Variants in PNPLA8 observed in about 807,000 individuals in gnomAD.
The protein encoded by PNPLA8 is patatin like domain 8, phospholipase A2.
PNPLA8 carries 39 observed loss-of-function variants against 76.9 expected under a neutral mutation model. The observed-to-expected ratio is 0.51, with a 90% CI of 0.39 to 0.66. The LOEUF is 0.66. PNPLA8 is among the 30% of genes least tolerant of loss of function. The probability of loss-of-function intolerance (pLI) is 0.00; values close to 1 mark genes in which losing one functional copy is unlikely to be tolerated. For missense variants in PNPLA8, 887 were observed against 918.0 expected (o/e 0.97, Z 0.44); for synonymous variants, 301 against 307.9 (o/e 0.98, Z 0.24).
intron 10 of PNPLA8, among the ~76,000 whole-genome samples, chr7:108,475,692 T>G (rs929311634): frequency 5.9e-5 from 9 of 152,072 alleles, no homozygotes; most frequent in African/African-American, 2.2e-4. Flanking sequence ...TTTCCACAAC[T>G]CCCACTGAGA....
chr7:108,498,963 A>G (rs1266373527), intron 5 of PNPLA8, among the ~76,000 whole-genome samples: 7 of 152,240 alleles, frequency 4.6e-5, no homozygotes, highest in Admixed American at 3.9e-4. Flanking sequence ...AGAAGTAACT[A>G]GAAAATTATG....
chr7:108,477,699 A>T (rs941706176), intron 10 of PNPLA8, among the ~76,000 whole-genome samples: 2 of 152,284 alleles, frequency 1.3e-5, no homozygotes, highest in South Asian at 4.1e-4. Context: ...ATCTCTACAA[A>T]AAAAGGTCTG....
At chr7:108,493,554 G>A (rs1011867980) in intron 7 of PNPLA8, among the ~76,000 whole-genome samples, 10 of 126,572 alleles carry the variant, frequency 7.9e-5, no homozygotes, top group Non-Finnish European at 1.3e-4. Flanking sequence ...ACAGGCGCCC[G>A]CCCCCATGCC....
At chr7:108,504,029 T>C (rs1053996724) in intron 4 of PNPLA8, among the ~76,000 whole-genome samples, 3 of 152,178 alleles carry the variant, frequency 2.0e-5, no homozygotes, top group African/African-American at 7.2e-5. Context: ...CCCAATGAGA[T>C]GGTGGTTAAG....
chr7:108,514,455 A>G lies in PNPLA8; in HGVS notation c.1037T>C (p.Leu346Ser). 1 of 1,609,900 alleles carries G rather than the reference A, an allele frequency of 6.2e-7. No homozygotes were observed. Among genetic ancestry groups the G allele is most frequent in the Non-Finnish European group, 8.5e-7 (1 of 1,178,444 alleles). ...ACTTGCCTTTTCTCGCTGAAGAGAT[A>G]AACGCTTTTTCTCCTCTGCATTTCT... ...KDRNAEEKKR[L>S]SLQREKIIAR... Residue 346 changes from leucine (L) to serine (S), a missense_variant, in exon 3 of 11, where the codon TTA (leucine) becomes TCA (serine). Transcript: ENST00000257694.
rs1862805644 is a variant in PNPLA8, at chr7:108,510,228, G to A, written c.1206+3916C>T. On this transcript the variant is annotated intron_variant, in intron 4 of 10. Coordinates refer to ENST00000257694, the MANE Select transcript of PNPLA8 (RefSeq NM_001256007.3). ...CGGTAACTAGCTCTTTTTCCGGCTG[G>A]AACCATGGTGGGTGTAGAAGAGAAG... 63 of 1,308,920 alleles carry A rather than the reference G, an allele frequency of 4.8e-5. 1 individual carries two copies. In the South Asian group the frequency reaches 7.3e-4, roughly 15 times the overall value. 81.1% of individuals were successfully genotyped at this position (1,308,920 alleles called of 1,614,324 possible). A position where few individuals can be genotyped will look rare whatever the true frequency, so the allele number is the denominator to read the frequency against.
chr7:108,493,146 G>A (rs1861306355), intron 7 of PNPLA8, among the ~76,000 whole-genome samples: 1 of 152,130 alleles, frequency 6.6e-6, no homozygotes, highest in African/African-American at 2.4e-5. Flanking sequence ...GGCTTGTTCT[G>A]CAGCAAAGGC....
At chr7:108,475,490 T>C (rs913856067) in intron 10 of PNPLA8, among the ~76,000 whole-genome samples, 18 of 152,180 alleles carry the variant, frequency 1.2e-4, no homozygotes, top group African/African-American at 4.3e-4. Flanking sequence ...AGGAATTGTA[T>C]TGAATCTACA....
intron 4 of PNPLA8, among the ~76,000 whole-genome samples, chr7:108,503,687 GAGA>G (rs574616701): frequency 1.3e-4 from 20 of 152,180 alleles, no homozygotes; most frequent in African/African-American, 4.6e-4. Context: ...CAAGAATCTG[GAGA>G]AGGAGTAATT....
chr7:108,514,390 A>C, intron 3 of PNPLA8, 46 bp downstream of exon 3: 1 of 1,558,796 alleles, frequency 6.4e-7, no homozygotes, highest in African/African-American at 1.4e-5. Context: ...AAACTTATAA[A>C]TTTGACAAAA....
At chr7:108,504,662 C>G (rs1389245508) in intron 4 of PNPLA8, among the ~76,000 whole-genome samples, 1 of 152,090 alleles carries the variant, frequency 6.6e-6, no homozygotes, top group Non-Finnish European at 1.5e-5. Context: ...CAAGAATAGC[C>G]ATGCCAACAA....
chr7:108,472,175 A>T lies in PNPLA8; in HGVS notation c.*226T>A. 2.5e-6 allele frequency: 1 copy of T among 398,940 alleles called. No individual in the cohort carries two copies. Among genetic ancestry groups the T allele is most frequent in the Non-Finnish European group, 4.6e-6 (1 of 219,420 alleles). The allele number at this position is 398,940 out of a possible 1,614,324, so 24.7% of individuals were successfully genotyped here. ...TCTACTAGCACAGTAAGGGTTACTA[A>T]AGCTTAGCTAATTATTAACATCTTA... On this transcript the variant is annotated 3_prime_UTR_variant, in exon 11 of 11. Transcript: ENST00000257694.
At chr7:108,500,277 C>T (rs912763738) in intron 5 of PNPLA8, among the ~76,000 whole-genome samples, 5 of 152,116 alleles carry the variant, frequency 3.3e-5, no homozygotes, top group Non-Finnish European at 7.4e-5. Context: ...TGCCATTTTC[C>T]CTATTTTTCA....
intron 10 of PNPLA8, among the ~76,000 whole-genome samples, chr7:108,477,867 A>AAC (rs371134059): frequency 2.0e-5 from 3 of 151,718 alleles, no homozygotes; most frequent in South Asian, 4.1e-4. Flanking sequence ...GTTTCTAAGA[A>AAC]ACACACACAC....
intron 4 of PNPLA8, chr7:108,511,055 AAAAAG>A: frequency 1.4e-6 from 1 of 694,580 alleles, no homozygotes; most frequent in Non-Finnish European, 2.4e-6. Context: ...AAAAAAAAAA[AAAAAG>A]AAAACTGGTA....
chr7:108,491,608 G>C lies in PNPLA8; in HGVS notation c.1626-141C>G. On this transcript the variant is annotated intron_variant, in intron 7 of 10. Coordinates refer to ENST00000257694, the MANE Select transcript of PNPLA8 (RefSeq NM_001256007.3). ...GAAAACATGTAAGACTCTCCTCTAG[G>C]AGGCTTATAATTCCATTAATGCACA... is the stretch of plus-strand genomic sequence containing the variant. 4 of 607,500 alleles carry C rather than the reference G, an allele frequency of 6.6e-6. No individual in the cohort carries two copies. The South Asian group carries it at 8.3e-5, about 13-fold the overall frequency. The allele number at this position is 607,500 out of a possible 1,614,324, so 37.6% of individuals were successfully genotyped here.
At chr7:108,493,007 G>C (rs1054678812) in intron 7 of PNPLA8, among the ~76,000 whole-genome samples, 2 of 152,206 alleles carry the variant, frequency 1.3e-5, no homozygotes, top group African/African-American at 4.8e-5. Flanking sequence ...ACCAGGTGGA[G>C]AGAGAGGCTT....
At chr7:108,497,654 TA>T in intron 5 of PNPLA8, 77 bp from the exon 6 acceptor site, 2 of 707,772 alleles carry the variant, frequency 2.8e-6, no homozygotes, top group Non-Finnish European at 2.2e-6. Context: ...TAAAACAATC[TA>T]ATAATTGCTT....
chr7:108,496,474 T>C (rs1279722885), intron 7 of PNPLA8, 110 bp downstream of exon 7: 1 of 628,262 alleles, frequency 1.6e-6, no homozygotes, highest in African/African-American at 1.9e-5. Context: ...CTTGATATTT[T>C]TCAAATTATA....
Sources: allele counts gnomAD v4.1 joint callset (sites outside exome capture counted in the v4.1 genomes callset), GRCh38; gene constraint gnomAD v4.1.1; transcripts MANE v1.5; gene names NCBI Gene and HGNC (gene_info 2026-07-23, HGNC 2026-07-21).